The following LRRC2 variants were observed in gnomAD, a reference collection of about 807,000 sequenced individuals.
The protein encoded by LRRC2 is leucine-rich repeat-containing protein 2.
A neutral mutation model predicts 40.2 loss-of-function variants in LRRC2; 27 were observed. The ratio of observed to expected loss-of-function variants is 0.67; its 90% confidence interval spans 0.49 to 0.93. The LOEUF (loss-of-function observed/expected upper bound fraction) is 0.93. LRRC2 is among the 40% of genes least tolerant of loss of function. The pLI, the probability that LRRC2 is intolerant of heterozygous loss-of-function variation, is 0.00. For synonymous variants in LRRC2, 147 were observed against 158.9 expected (o/e 0.92, Z 0.56); for missense variants, 402 against 439.6 (o/e 0.91, Z 0.76).
At chr3:46,537,059 T>G (rs1416180495) in intron 4 of LRRC2, among the ~76,000 whole-genome samples, 11 of 152,184 alleles carry the variant, frequency 7.2e-5, no homozygotes, top group African/African-American at 2.7e-4. Flanking sequence ...CAAGGATCCC[T>G]GAGTCTAGGT....
chr3:46,547,678 A>AT (rs1325918282), intron 2 of LRRC2, among the ~76,000 whole-genome samples: 1,904 of 151,198 alleles, frequency 0.013, 41 homozygotes, highest in African/African-American at 0.041. Flanking sequence ...GAAAAAAAAA[A>AT]ATATATATAT....
In LRRC2 at chr3:46,517,267, A is replaced by C. The variant is rs978592066; in HGVS notation, c.*1747T>G. 3.4e-5 allele frequency: 5 copies of C among 146,552 alleles called. No individual in the cohort carries two copies. The highest frequency in any genetic ancestry group is 1.2e-4 in the African/African-American group (5 of 40,374). 9.1% of individuals were successfully genotyped at this position (146,552 alleles called of 1,614,324 possible). A position where few individuals can be genotyped will look rare whatever the true frequency, so the allele number is the denominator to read the frequency against. ...TATGCATATTTTCCTTCTTAGTCAC[A>C]AAAGCTGCTTGTTTTTGTTTTTTTT... On this transcript the variant is annotated 3_prime_UTR_variant, in exon 9 of 9. Coordinates refer to ENST00000395905, the MANE Select transcript of LRRC2 (RefSeq NM_024512.5).
rs1398374929 is a variant in LRRC2 at position 46,518,853 on chromosome 3, T to A, written c.*161A>T. 8 of 601,974 alleles carry A rather than the reference T, an allele frequency of 1.3e-5. No homozygotes were observed. In the East Asian group the frequency reaches 2.1e-4, roughly 15 times the overall value. 37.3% of individuals were successfully genotyped at this position (601,974 alleles called of 1,614,324 possible). On this transcript the variant is annotated 3_prime_UTR_variant, in exon 9 of 9. Transcript: ENST00000395905. ...TTCTCCAGTCCATGGAGGGAGATAC[T>A]CATGTATTTGACATTTGAAAACCAT...
intron 3 of LRRC2, among the ~76,000 whole-genome samples, chr3:46,540,175 G>C (rs1704355377): frequency 6.6e-6 from 1 of 152,208 alleles, no homozygotes; most frequent in South Asian, 2.1e-4. Flanking sequence ...GGGTTAAGCT[G>C]TTAACTTGCA....
At chr3:46,528,811 C>T (rs1178057387) in intron 6 of LRRC2, among the ~76,000 whole-genome samples, 1 of 152,148 alleles carries the variant, frequency 6.6e-6, no homozygotes, top group Non-Finnish European at 1.5e-5. Flanking sequence ...GCTTGTGTTT[C>T]TTTATAAAAA....
intron 1 of LRRC2, among the ~76,000 whole-genome samples, chr3:46,553,250 C>T (rs1440114711): frequency 6.6e-6 from 1 of 151,092 alleles, no homozygotes; most frequent in Non-Finnish European, 1.5e-5. Flanking sequence ...ATACTTATGT[C>T]CCTTATCTAA....
chr3:46,564,187 G>A (rs1705010220), intron 1 of LRRC2, among the ~76,000 whole-genome samples: 1 of 151,696 alleles, frequency 6.6e-6, no homozygotes, highest in Non-Finnish European at 1.5e-5. Context: ...AAGGGTGGGG[G>A]AGGGGTTGGG....
intron 5 of LRRC2, among the ~76,000 whole-genome samples, chr3:46,531,702 C>A (rs1704163695): frequency 6.6e-6 from 1 of 152,104 alleles, no homozygotes; most frequent in African/African-American, 2.4e-5. Context: ...TGGCTGTGCA[C>A]CCTCACCAGG....
intron 1 of LRRC2, among the ~76,000 whole-genome samples, chr3:46,564,583 A>G (rs1359335928): frequency 2.6e-5 from 4 of 152,046 alleles, no homozygotes; most frequent in Non-Finnish European, 5.9e-5. Context: ...GAGGAGACTC[A>G]CCTCATCATG....
At chr3:46,521,046 G>A (rs755005508) in intron 8 of LRRC2, among the ~76,000 whole-genome samples, 6 of 152,038 alleles carry the variant, frequency 3.9e-5, no homozygotes, top group Admixed American at 6.6e-5. Context: ...CCACCCTATG[G>A]GAACCAAAAC....
intron 6 of LRRC2, among the ~76,000 whole-genome samples, chr3:46,528,637 A>T (rs1050988239): frequency 2.0e-5 from 3 of 152,206 alleles, no homozygotes; most frequent in African/African-American, 7.2e-5. Flanking sequence ...GGATTATCAT[A>T]CAAATATTTC....
chr3:46,530,960 A>C (rs1704149295), intron 5 of LRRC2, among the ~76,000 whole-genome samples: 1 of 152,220 alleles, frequency 6.6e-6, no homozygotes, highest in African/African-American at 2.4e-5. Flanking sequence ...AATTATATTT[A>C]AGAAATAATA....
At position 46,527,784 on chromosome 3, in the gene LRRC2, G is replaced by A. The variant is rs191670722; in HGVS notation, c.774-203C>T. On this transcript the variant is annotated intron_variant, in intron 6 of 8. Transcript: ENST00000395905. ...ATTATGTTGCCCAGGTTGGAGTGCA[G>A]TGGTACAATCTCGGCTCACTGCAGC... is the stretch of plus-strand genomic sequence containing the variant. 8.5e-5 allele frequency among the ~76,000 whole-genome samples: 13 copies of A among 152,092 alleles called. No homozygotes were observed. The East Asian group carries it at 2.5e-3, about 29-fold the overall frequency.
intron 3 of LRRC2, among the ~76,000 whole-genome samples, chr3:46,543,635 AATAATAATAATAATAAATAAT>A (rs1559415656): frequency 6.4e-5 from 6 of 93,322 alleles, no homozygotes; most frequent in Non-Finnish European, 1.6e-4. Context: ...TAATAATAAT[AATAATAATAATAATAAATAAT>A]AAATACCCTT....
At chr3:46,529,838 A>G (rs1704126931) in intron 6 of LRRC2, 67 bp downstream of exon 6, 1 of 1,521,162 alleles carries the variant, frequency 6.6e-7, no homozygotes, top group Admixed American at 1.8e-5. Context: ...ACATGTTTCA[A>G]ATGTTAACAG....
chr3:46,555,657 C>T (rs756386798), intron 1 of LRRC2, among the ~76,000 whole-genome samples: 4 of 152,104 alleles, frequency 2.6e-5, no homozygotes, highest in African/African-American at 7.2e-5. Flanking sequence ...TCCTACATTC[C>T]CACCTTTATG....
At chr3:46,526,331 G>A (rs1202216019) in intron 7 of LRRC2, among the ~76,000 whole-genome samples, 1 of 152,124 alleles carries the variant, frequency 6.6e-6, no homozygotes, top group African/African-American at 2.4e-5. Context: ...AATTACTTTA[G>A]TTAGGTGACA....
At chr3:46,544,578 T>G (rs1704484351) in intron 3 of LRRC2, among the ~76,000 whole-genome samples, 1 of 152,352 alleles carries the variant, frequency 6.6e-6, no homozygotes, top group East Asian at 1.9e-4. Context: ...CAAGTTATTA[T>G]GGGACCTGAG....
chr3:46,546,413 A>G (rs1460306946), intron 2 of LRRC2, among the ~76,000 whole-genome samples: 3 of 152,244 alleles, frequency 2.0e-5, no homozygotes, highest in Non-Finnish European at 2.9e-5. Flanking sequence ...AGGACTGGGC[A>G]TGCGGGAAGT....
Sources: gnomAD v4.1 joint callset for allele counts (sites outside exome capture counted in the v4.1 genomes callset) on GRCh38, gnomAD v4.1.1 for gene constraint, MANE v1.5 for transcripts, NCBI Gene and HGNC (gene_info 2026-07-23, HGNC 2026-07-21) for gene names.